Variants in NKAIN2 observed in about 807,000 individuals in gnomAD.
The protein encoded by NKAIN2 is sodium/potassium transporting ATPase interacting 2, also known as sodium/potassium-transporting ATPase subunit beta-1-interacting protein 2.
Under a neutral mutation model 32.6 loss-of-function variants are expected in NKAIN2, and 14 were observed. That is an observed-to-expected ratio of 0.43 (90% CI 0.28 to 0.67). NKAIN2 has a LOEUF of 0.67. NKAIN2 is among the 30% of genes least tolerant of loss of function. The pLI is 0.17. For synonymous variants in NKAIN2, 80 were observed against 87.2 expected (o/e 0.92, Z 0.46); for missense variants, 198 against 258.3 (o/e 0.77, Z 1.60).
chr6:124,586,549 A>G (rs1781717822), intron 3 of NKAIN2, among the ~76,000 whole-genome samples: 1 of 151,912 alleles, frequency 6.6e-6, no homozygotes, highest in Admixed American at 6.6e-5. Context: ...GAGACACCCG[A>G]TTTTCCCATG....
chr6:124,692,755 G>T (rs144886859), intron 4 of NKAIN2, among the ~76,000 whole-genome samples: 2 of 152,058 alleles, frequency 1.3e-5, no homozygotes, highest in South Asian at 4.2e-4. Context: ...GGCGGAGGTT[G>T]CAGTGAGCCG....
chr6:124,100,787 T>C (rs571592969), intron 1 of NKAIN2, among the ~76,000 whole-genome samples: 1 of 152,336 alleles, frequency 6.6e-6, no homozygotes, highest in South Asian at 2.1e-4. Flanking sequence ...TGTCCATTTC[T>C]TGTCCTATAG....
intron 3 of NKAIN2, among the ~76,000 whole-genome samples, chr6:124,419,600 A>C (rs1303740970): frequency 1.3e-5 from 2 of 152,174 alleles, no homozygotes; most frequent in African/African-American, 4.8e-5. Context: ...GATCCAAATT[A>C]ACTCTTACTG....
chr6:124,728,515 C>A (rs1583742266), intron 4 of NKAIN2, among the ~76,000 whole-genome samples: 3 of 107,594 alleles, frequency 2.8e-5, no homozygotes, highest in Non-Finnish European at 5.6e-5. Context: ...CCAACGAGAA[C>A]AAAGACACAA....
At chr6:124,323,857 G>A (rs906389316) in intron 2 of NKAIN2, among the ~76,000 whole-genome samples, 15 of 143,174 alleles carry the variant, frequency 1.0e-4, no homozygotes, top group East Asian at 4.4e-4. Flanking sequence ...GCACAATCTC[G>A]GCTCACTGCA....
intron 1 of NKAIN2, among the ~76,000 whole-genome samples, chr6:124,025,597 AAGTTCTG>A (rs774199555): frequency 2.6e-5 from 4 of 152,192 alleles, no homozygotes; most frequent in African/African-American, 7.2e-5. Context: ...TAGGTTGAAT[AAGTTCTG>A]GGTATCTATT....
At chr6:123,960,123 T>A (rs915683983) in intron 1 of NKAIN2, among the ~76,000 whole-genome samples, 15 of 152,156 alleles carry the variant, frequency 9.9e-5, no homozygotes, top group Admixed American at 3.3e-4. Flanking sequence ...CTGAAAATAT[T>A]ATGTAAAAAT....
At chr6:124,381,874 T>A (rs1221159800) in intron 3 of NKAIN2, among the ~76,000 whole-genome samples, 1 of 151,900 alleles carries the variant, frequency 6.6e-6, no homozygotes, top group Non-Finnish European at 1.5e-5. Context: ...ATTCTAAGCT[T>A]CTCAGTGCTT....
At chr6:123,978,378 C>CTT (rs910710181) in intron 1 of NKAIN2, among the ~76,000 whole-genome samples, 42 of 152,166 alleles carry the variant, frequency 2.8e-4, no homozygotes, top group Non-Finnish European at 5.0e-4. Flanking sequence ...AAGTTTGCAA[C>CTT]TTTAAATCAC....
At chr6:124,219,906 A>T (rs1290941799) in intron 1 of NKAIN2, among the ~76,000 whole-genome samples, 2 of 152,204 alleles carry the variant, frequency 1.3e-5, no homozygotes, top group Non-Finnish European at 2.9e-5. Flanking sequence ...ACAAATTTAG[A>T]TACGAAAGAT....
chr6:123,810,378 A>G (rs1214998207), intron 1 of NKAIN2, among the ~76,000 whole-genome samples: 1 of 152,082 alleles, frequency 6.6e-6, no homozygotes, highest in Non-Finnish European at 1.5e-5. Context: ...ATTAGTCAAC[A>G]CTTAGGTTTA....
At chr6:124,157,102 CAAAAAAAAAAAA>C (rs386408503) in intron 1 of NKAIN2, among the ~76,000 whole-genome samples, 28 of 48,984 alleles carry the variant, frequency 5.7e-4, no homozygotes, top group African/African-American at 1.6e-3. Flanking sequence ...GACTCTGTCT[CAAAAAAAAAAAA>C]AAAAAAAAAA....
intron 1 of NKAIN2, among the ~76,000 whole-genome samples, chr6:123,834,497 A>G (rs538222918): frequency 1.1e-4 from 17 of 152,282 alleles, no homozygotes; most frequent in African/African-American, 3.8e-4. Flanking sequence ...TTTTCTACAT[A>G]GACAATCATG....
chr6:124,394,818 C>T (rs182949834), intron 3 of NKAIN2, among the ~76,000 whole-genome samples: 2 of 152,268 alleles, frequency 1.3e-5, no homozygotes, highest in East Asian at 1.9e-4. Flanking sequence ...TCCACAAACA[C>T]CCATAATAGT....
At chr6:124,261,027 C>A (rs1179018012) in intron 1 of NKAIN2, among the ~76,000 whole-genome samples, 4 of 152,144 alleles carry the variant, frequency 2.6e-5, no homozygotes, top group Non-Finnish European at 5.9e-5. Flanking sequence ...AAGAAATTCT[C>A]ATTTCAGAAG....
At chr6:124,251,691 C>T (rs142799668) in intron 1 of NKAIN2, among the ~76,000 whole-genome samples, 2 of 152,032 alleles carry the variant, frequency 1.3e-5, no homozygotes, top group Non-Finnish European at 2.9e-5. Flanking sequence ...CAAAGTTAGT[C>T]AATATTGTTG....
At chr6:123,858,120 ATT>A (rs772284498) in intron 1 of NKAIN2, among the ~76,000 whole-genome samples, 2 of 148,060 alleles carry the variant, frequency 1.4e-5, no homozygotes. Flanking sequence ...TATTATTATT[ATT>A]TTTTTTTTTT....
intron 3 of NKAIN2, among the ~76,000 whole-genome samples, chr6:124,383,080 C>T (rs1168438779): frequency 6.6e-6 from 1 of 152,146 alleles, no homozygotes; most frequent in Non-Finnish European, 1.5e-5. Flanking sequence ...TATGTTGTTC[C>T]TCCAATAGTG....
intron 1 of NKAIN2, among the ~76,000 whole-genome samples, chr6:123,944,977 A>G (rs1253397744): frequency 6.6e-6 from 1 of 152,028 alleles, no homozygotes; most frequent in African/African-American, 2.4e-5. Flanking sequence ...ACACAGACAT[A>G]TGTAGATTTT....
Sources: allele counts gnomAD v4.1 joint callset (sites outside exome capture counted in the v4.1 genomes callset), GRCh38; gene constraint gnomAD v4.1.1; transcripts MANE v1.5; gene names NCBI Gene and HGNC (gene_info 2026-07-23, HGNC 2026-07-21).